The following KCNMA1 variants were observed in gnomAD, a reference collection of about 807,000 sequenced individuals.
KCNMA1 encodes the protein potassium calcium-activated channel subfamily M alpha 1, also known as Calcium-activated potassium channel subunit alpha-1.
In KCNMA1, 29 loss-of-function variants were observed where a neutral mutation model predicts 140.0. The observed-to-expected ratio is 0.21, with a 90% confidence interval of 0.15 to 0.28. KCNMA1 has a LOEUF of 0.28. Ranked by LOEUF, KCNMA1 falls within the 10% of genes least tolerant of loss-of-function variation. The probability of loss-of-function intolerance (pLI) is 1.00; values close to 1 mark genes in which losing one functional copy is unlikely to be tolerated. For missense variants in KCNMA1, 880 were observed against 1,602.2 expected, an observed-to-expected ratio of 0.55 and a Z score of 7.70; for synonymous variants, 612 against 611.9, an observed-to-expected ratio of 1.00 and a Z score of 0.00.
At chr10:77,308,700 G>A (rs558849204) in intron 2 of KCNMA1, among the ~76,000 whole-genome samples, 5 of 152,070 alleles carry the variant, frequency 3.3e-5, no homozygotes, top group Non-Finnish European at 5.9e-5. Context: ...TTTCTCCACC[G>A]CCATGCAGAT....
chr10:76,970,752 GC>G (rs2075847210), intron 19 of KCNMA1: 1 of 153,236 alleles, frequency 6.5e-6, no homozygotes, highest in Non-Finnish European at 1.5e-5. Context: ...GAGCACCGGG[GC>G]TGGTGAGGTT....
intron 14 of KCNMA1, among the ~76,000 whole-genome samples, chr10:77,058,569 C>A (rs2095627306): frequency 6.6e-6 from 1 of 151,798 alleles, no homozygotes; most frequent in Admixed American, 6.6e-5. Context: ...AGGTTCTTAA[C>A]CATAATGGAA....
chr10:77,229,451 T>C (rs2052762323), intron 3 of KCNMA1, among the ~76,000 whole-genome samples: 1 of 152,144 alleles, frequency 6.6e-6, no homozygotes, highest in African/African-American at 2.4e-5. Flanking sequence ...TTTCTATCCA[T>C]AATTGAGGAG....
chr10:77,585,569 C>T (rs904399449), intron 1 of KCNMA1, among the ~76,000 whole-genome samples: 3 of 152,194 alleles, frequency 2.0e-5, no homozygotes, highest in Admixed American at 6.5e-5. Context: ...CTTGAACATG[C>T]TCTGCACTTT....
intron 3 of KCNMA1, among the ~76,000 whole-genome samples, chr10:77,232,806 C>T (rs1424711028): frequency 6.6e-6 from 1 of 151,576 alleles, no homozygotes; most frequent in Non-Finnish European, 1.5e-5. Flanking sequence ...ACATGTAGAT[C>T]TTTGATCTAT....
intron 2 of KCNMA1, among the ~76,000 whole-genome samples, chr10:77,321,098 A>G (rs1159728916): frequency 2.0e-5 from 3 of 152,232 alleles, no homozygotes; most frequent in Non-Finnish European, 4.4e-5. Context: ...TTCCCTAGGC[A>G]AGATGTTTAT....
intron 16 of KCNMA1, among the ~76,000 whole-genome samples, chr10:77,025,704 GA>G (rs1381909252): frequency 3.9e-5 from 6 of 151,968 alleles, no homozygotes; most frequent in Non-Finnish European, 7.4e-5. Context: ...CAGTCAGTTA[GA>G]AAATGTGAGA....
chr10:77,122,748 C>T (rs949019014), intron 5 of KCNMA1, among the ~76,000 whole-genome samples: 3 of 152,108 alleles, frequency 2.0e-5, no homozygotes, highest in Non-Finnish European at 4.4e-5. Context: ...AATGAAGGAT[C>T]AGTTCTTAGA....
chr10:77,214,509 C>A (rs979285091), intron 3 of KCNMA1, among the ~76,000 whole-genome samples: 1 of 152,192 alleles, frequency 6.6e-6, no homozygotes, highest in African/African-American at 2.4e-5. Flanking sequence ...ATAGCAAGCT[C>A]TCCCTTGCTG....
At chr10:77,404,889 T>C (rs1299663214) in intron 1 of KCNMA1, among the ~76,000 whole-genome samples, 1 of 147,664 alleles carries the variant, frequency 6.8e-6, no homozygotes, top group East Asian at 2.0e-4. Flanking sequence ...CAGGAAAGAA[T>C]AGGAAAAGTC....
chr10:77,242,584 G>A (rs189759192), intron 3 of KCNMA1, among the ~76,000 whole-genome samples: 62 of 152,244 alleles, frequency 4.1e-4, no homozygotes, highest in African/African-American at 1.4e-3. Context: ...TGCCTTACTT[G>A]TTCTTGTTTT....
intron 5 of KCNMA1, among the ~76,000 whole-genome samples, chr10:77,146,632 G>A (rs2098297619): frequency 7.0e-6 from 1 of 142,942 alleles, no homozygotes; most frequent in Non-Finnish European, 1.5e-5. Context: ...AACCCAGGAG[G>A]TGGAGGTTGC....
chr10:77,317,243 C>T (rs893069416), intron 2 of KCNMA1, among the ~76,000 whole-genome samples: 1 of 152,082 alleles, frequency 6.6e-6, no homozygotes, highest in Non-Finnish European at 1.5e-5. Flanking sequence ...CCTGACTCAC[C>T]GAATGTAGTC....
At chr10:77,623,373 T>C (rs2091871735) in intron 1 of KCNMA1, among the ~76,000 whole-genome samples, 1 of 152,144 alleles carries the variant, frequency 6.6e-6, no homozygotes, top group African/African-American at 2.4e-5. Flanking sequence ...CAATCACTAT[T>C]GTCTAAATTT....
chr10:77,196,056 G>T (rs956790026), intron 3 of KCNMA1, among the ~76,000 whole-genome samples: 1 of 152,168 alleles, frequency 6.6e-6, no homozygotes, highest in African/African-American at 2.4e-5. Flanking sequence ...GCTCAGTGGG[G>T]TGAAGTGTCT....
At chr10:77,459,285 C>T (rs1009738580) in intron 1 of KCNMA1, among the ~76,000 whole-genome samples, 5 of 152,196 alleles carry the variant, frequency 3.3e-5, no homozygotes, top group Non-Finnish European at 5.9e-5. Flanking sequence ...ACAGCTTCTT[C>T]GCAATGGGAA....
At chr10:76,889,926 C>T (rs2039157775) in intron 26 of KCNMA1, among the ~76,000 whole-genome samples, 1 of 152,194 alleles carries the variant, frequency 6.6e-6, no homozygotes, top group Non-Finnish European at 1.5e-5. Flanking sequence ...GAACCCTTCT[C>T]TGCAAAATGG....
chr10:77,223,971 G>A (rs1209029633), intron 3 of KCNMA1, among the ~76,000 whole-genome samples: 1 of 152,186 alleles, frequency 6.6e-6, no homozygotes, highest in Non-Finnish European at 1.5e-5. Flanking sequence ...AGCTACAGGA[G>A]GGCTCAGATT....
rs80116495 is a variant in KCNMA1, at chr10:77,119,069, T to C, written c.884+1904A>G. Among the ~76,000 whole-genome samples, 1,255 of 152,300 alleles carry C rather than the reference T, an allele frequency of 8.2e-3. 52 individuals are homozygous for C. In the East Asian group the frequency reaches 0.11, roughly 14 times the overall value. ...CAGACAGCCTTCCACCCCGTGACTCTTCCCTAGGGCCATTCTCTCCCTCGT... is the reference window on the plus strand; with the variant it reads ...CAGACAGCCTTCCACCCCGTGACTCCTCCCTAGGGCCATTCTCTCCCTCGT... On this transcript the variant is annotated intron_variant, in intron 6 of 27. Transcript: ENST00000286628.
Sources: gnomAD v4.1 joint callset for allele counts (sites outside exome capture counted in the v4.1 genomes callset) on GRCh38, gnomAD v4.1.1 for gene constraint, MANE v1.5 for transcripts, NCBI Gene and HGNC (gene_info 2026-07-23, HGNC 2026-07-21) for gene names.